The following GKN1 variants were observed in gnomAD, a reference collection of about 807,000 sequenced individuals.
GKN1 encodes gastrokine 1.
GKN1 carries 17 observed loss-of-function variants against 19.7 expected under a neutral mutation model. That is an observed-to-expected ratio of 0.86 (90% CI 0.59 to 1.29). The LOEUF (loss-of-function observed/expected upper bound fraction) is 1.29, where lower values mean the gene tolerates loss of function less well. Among genes scored for constraint, GKN1 ranks in the 50% most tolerant of loss-of-function variants. The probability of loss-of-function intolerance (pLI) is 0.00; values close to 1 mark genes in which losing one functional copy is unlikely to be tolerated. For missense variants in GKN1, 218 were observed against 224.5 expected, an observed-to-expected ratio of 0.97 and a Z score of 0.19; for synonymous variants, 96 against 78.3, an observed-to-expected ratio of 1.23 and a Z score of -1.20.
intron 3 of GKN1, among the ~76,000 whole-genome samples, chr2:68,978,271 G>GGAAGGAAGGAAGGAAAGAAAGAAAGAAA (rs1670300286): frequency 4.6e-5 from 4 of 87,258 alleles, no homozygotes; most frequent in African/African-American, 2.6e-4. Flanking sequence ...AAGGAAGGAA[G>GGAAGGAAGGAAGGAAAGAAAGAAAGAAA]GAAAGAAAGA....
intron 3 of GKN1, 97 bp from the exon 4 acceptor site, chr2:68,978,774 T>A: frequency 1.5e-6 from 1 of 658,806 alleles, no homozygotes. Context: ...CATCACGATC[T>A]TGGAGTTCCC....
chr2:68,978,608 T>C (rs2103924549), intron 3 of GKN1, among the ~76,000 whole-genome samples: 1 of 152,262 alleles, frequency 6.6e-6, no homozygotes, highest in African/African-American at 2.4e-5. Flanking sequence ...AAAACAGACT[T>C]ATATAGAGGG....
At chr2:68,978,034 T>C in intron 3 of GKN1, 2 of 444,266 alleles carry the variant, frequency 4.5e-6, no homozygotes, top group Non-Finnish European at 8.2e-6. Context: ...ACAACAAATA[T>C]GAACATCCTT....
At chr2:68,979,443 G>T (rs1006649387) in intron 4 of GKN1, among the ~76,000 whole-genome samples, 1 of 152,120 alleles carries the variant, frequency 6.6e-6, no homozygotes, top group Admixed American at 6.6e-5. Flanking sequence ...ATGTAACTGG[G>T]TATTGTATAT....
chr2:68,977,938 C>T (rs1253878876), intron 3 of GKN1, 164 bp downstream of exon 3: 2 of 607,758 alleles, frequency 3.3e-6, no homozygotes, highest in Admixed American at 2.9e-5. Flanking sequence ...ATTTTGTTCC[C>T]TAGAGATAAC....
rs1304573055 is a variant in GKN1, at chr2:68,979,935, G to A, written c.338G>A (p.Gly113Glu). ...CAGCTTCAGGGTAAGGGACCAGGAG[G>A]ACCACCTCCCAAGGGCCTGATGTAC... ...EKKLQGKGPG[G>E]PPPKGLMYSV... is the part of the protein sequence containing the mutation. Residue 113 changes from glycine (G) to glutamate (E), a missense_variant, in exon 5 of 6, where the codon GGA (glycine) becomes GAA (glutamate). Physicochemically the swap from Gly to Glu is moderately conservative, Grantham distance 98. Coordinates refer to ENST00000377938, the MANE Select transcript of GKN1 (RefSeq NM_019617.4). 2 of 1,613,548 alleles carry A rather than the reference G, an allele frequency of 1.2e-6. No individual in the cohort carries two copies. The highest frequency in any genetic ancestry group is 2.7e-5 in the African/African-American group (2 of 74,894).
chr2:68,977,354 G>C, intron 1 of GKN1, 141 bp from the exon 2 acceptor site: 1 of 628,388 alleles, frequency 1.6e-6, no homozygotes, highest in African/African-American at 1.8e-5. Context: ...AAAATGCAAG[G>C]TAAGAGAAGA....
At chr2:68,978,294 AAGAG>A (rs372956715) in intron 3 of GKN1, among the ~76,000 whole-genome samples, 19 of 121,664 alleles carry the variant, frequency 1.6e-4, no homozygotes, top group African/African-American at 6.7e-4. Flanking sequence ...GAAAGAAAGA[AAGAG>A]AGAGAAAGAA....
chr2:68,978,646 A>G (rs60514495), intron 3 of GKN1, among the ~76,000 whole-genome samples: 3,059 of 152,312 alleles, frequency 0.02, 83 homozygotes, highest in African/African-American at 0.068. Context: ...ACCTGGAAAT[A>G]AAGCAAACCA....
intron 4 of GKN1, among the ~76,000 whole-genome samples, chr2:68,979,530 T>C (rs575155996): frequency 2.1e-4 from 32 of 152,318 alleles, no homozygotes; most frequent in Admixed American, 5.2e-4. Context: ...TGAGTTCATA[T>C]TCCTATAACT....
intron 1 of GKN1, among the ~76,000 whole-genome samples, chr2:68,976,039 T>A (rs1194211512): frequency 6.6e-6 from 1 of 152,108 alleles, no homozygotes; most frequent in Admixed American, 6.5e-5. Context: ...AAACCAAGTA[T>A]CCTGGGACAC....
chr2:68,977,595 A>C lies in GKN1; in HGVS notation c.67-42A>C, dbSNP rs551791350. ...TTGCTACCAAAATGCATTTGCAAGGAAATGTGATATTAAATCACTCTCAAT... is the reference window on the plus strand; with the variant it reads ...TTGCTACCAAAATGCATTTGCAAGGCAATGTGATATTAAATCACTCTCAAT... On this transcript the variant is annotated intron_variant, in intron 2 of 5. Coordinates refer to ENST00000377938, the MANE Select transcript of GKN1 (RefSeq NM_019617.4). 40 of 1,603,520 alleles carry C rather than the reference A, an allele frequency of 2.5e-5. 1 individual carries two copies. The East Asian group carries it at 4.2e-4, about 17-fold the overall frequency.
chr2:68,979,575 A>T (rs956924841), intron 4 of GKN1, among the ~76,000 whole-genome samples: 6 of 152,206 alleles, frequency 3.9e-5, no homozygotes, highest in African/African-American at 1.4e-4. Flanking sequence ...AAGGTAGAGA[A>T]AATAAATAAA....
chr2:68,978,940 C>A lies in GKN1; in HGVS notation c.274C>A (p.Pro92Thr), dbSNP rs1670318371. Residue 92 changes from proline (P) to threonine (T), a missense_variant, in exon 4 of 6, where the codon CCC (proline) becomes ACC (threonine). Coordinates refer to ENST00000377938, the MANE Select transcript of GKN1 (RefSeq NM_019617.4). ...GCACAAAATGAACAAGGAAGTCATG[C>A]CCTCCATTCAATCCCTTGATGCACT... is the stretch of plus-strand genomic sequence containing the variant. ...IVHKMNKEVMPSIQSLDALVK... is the reference protein window; with the variant it reads ...IVHKMNKEVMTSIQSLDALVK... 1.2e-6 allele frequency: 2 copies of A among 1,607,294 alleles called. No individual in the cohort carries two copies. The highest frequency in any genetic ancestry group is 1.7e-6 in the Non-Finnish European group (2 of 1,174,118).
intron 3 of GKN1, chr2:68,978,175 T>C (rs1670297519): frequency 6.4e-6 from 1 of 155,328 alleles, no homozygotes; most frequent in African/African-American, 2.5e-5. Flanking sequence ...AAATTGACAT[T>C]TCACCTAAAA....
rs1185454383 is a variant in GKN1 at position 68,980,778 on chromosome 2, A to G, written c.513A>G (p.Leu171=). The part of the protein sequence containing the change: ...YSGTCYTTSV[L]WIVDISFCGD... ...GAACGTGCTACACGACCAGTGTACT[A>G]TGGATTGTGGACATTTCCTTCTGTG... The change falls in exon 6 of 6, where the codon CTA becomes CTG. Residue 171 remains leucine, a synonymous_variant. Coordinates refer to ENST00000377938, the MANE Select transcript of GKN1 (RefSeq NM_019617.4). 4 of 1,599,068 alleles carry G rather than the reference A, an allele frequency of 2.5e-6. No homozygotes were observed. The highest frequency in any genetic ancestry group is 2.7e-5 in the African/African-American group (2 of 74,756).
chr2:68,980,309 A>G (rs1326420369), intron 5 of GKN1, among the ~76,000 whole-genome samples: 1 of 152,218 alleles, frequency 6.6e-6, no homozygotes, highest in Non-Finnish European at 1.5e-5. Context: ...CAGAGAGGTC[A>G]CAAAATCCTT....
chr2:68,975,050 T>C (rs963544645), intron 1 of GKN1, among the ~76,000 whole-genome samples: 1 of 152,110 alleles, frequency 6.6e-6, no homozygotes, highest in African/African-American at 2.4e-5. Flanking sequence ...AGCATCTCTA[T>C]AGAGAAGGAT....
Position 68,978,995 on chromosome 2 carries a change from G to C in GKN1, c.315+14G>C. ...AAGGAAAAGAAGGTAAAAATAAAAG[G>C]CTTTTTATTTTTGGTGAGGGGAGAG... On this transcript the variant is annotated intron_variant, in intron 4 of 5. Coordinates refer to ENST00000377938, the MANE Select transcript of GKN1 (RefSeq NM_019617.4). 2 of 1,391,472 alleles carry C rather than the reference G, an allele frequency of 1.4e-6. No individual in the cohort carries two copies. The highest frequency in any genetic ancestry group is 2.0e-6 in the Non-Finnish European group (2 of 984,526). The allele number at this position is 1,391,472 out of a possible 1,614,324, so 86.2% of individuals were successfully genotyped here. A position where few individuals can be genotyped will look rare whatever the true frequency, so the allele number is the denominator to read the frequency against.
Sources: allele counts gnomAD v4.1 joint callset (sites outside exome capture counted in the v4.1 genomes callset), GRCh38; gene constraint gnomAD v4.1.1; transcripts MANE v1.5; gene names NCBI Gene and HGNC (gene_info 2026-07-23, HGNC 2026-07-21).